Variants in ACAP3 observed in about 807,000 individuals in gnomAD.
ACAP3 encodes the protein arf-GAP with coiled-coil, ANK repeat and PH domain-containing protein 3.
A neutral mutation model predicts 104.1 loss-of-function variants in ACAP3; 56 were observed. The observed-to-expected ratio is 0.54, with a 90% CI of 0.43 to 0.67. ACAP3 has a LOEUF of 0.67. ACAP3 is among the 30% of genes least tolerant of loss of function. The pLI, the probability that ACAP3 is intolerant of heterozygous loss-of-function variation, is 0.00. For synonymous variants in ACAP3, 628 were observed against 496.2 expected (o/e 1.27, Z -3.53); for missense variants, 1,208 against 1,174.9 (o/e 1.03, Z -0.41).
chr1:1,296,578 G>T lies in ACAP3; in HGVS notation c.1184C>A (p.Thr395Asn). Residue 395 changes from threonine (T) to asparagine (N), a missense_variant, in exon 15 of 24, where the codon ACT (threonine) becomes AAT (asparagine). Transcript: ENST00000354700. ...CTCGCCCTTCACGCCACGCTCCCGA[G>T]TGTCGGTGGCGGAGTCGATGCTGCT... ...STSSIDSATD[T>N]RERGVKGESV... 2 of 1,539,808 alleles carry T rather than the reference G, an allele frequency of 1.3e-6. No homozygotes were observed. Among genetic ancestry groups the T allele is most frequent in the Non-Finnish European group, 1.7e-6 (2 of 1,146,674 alleles).
chr1:1,298,988 G>A (rs980407839), intron 10 of ACAP3: 14 of 554,152 alleles, frequency 2.5e-5, no homozygotes, highest in African/African-American at 1.7e-4. Context: ...CCCACCCTCC[G>A]CATCCTGAGT....
chr1:1,303,994 G>GT lies in ACAP3; in HGVS notation c.105+91dup, dbSNP rs1641570325. 1 of 1,459,174 alleles carries GT rather than the reference G, an allele frequency of 6.9e-7. No individual in the cohort carries two copies. The highest frequency in any genetic ancestry group is 9.3e-7 in the Non-Finnish European group (1 of 1,070,510). The allele number at this position is 1,459,174 out of a possible 1,614,324, so 90.4% of individuals were successfully genotyped here. A position where few individuals can be genotyped will look rare whatever the true frequency, so the allele number is the denominator to read the frequency against. On this transcript the variant is annotated intron_variant, in intron 2 of 23. Coordinates refer to ENST00000354700, the MANE Select transcript of ACAP3 (RefSeq NM_030649.3). The surrounding 1 kb of genome is among the most constrained non-coding windows in gnomAD (Gnocchi z 4.0). ...CACGCATGCTCCACATATGGGGGGT[G>GT]TAAGTGGCTTAGTAAGGCCTGGAGG...
At chr1:1,301,917 C>T (rs1641462305) in intron 5 of ACAP3, 71 bp downstream of exon 5, 1 of 1,431,540 alleles carries the variant, frequency 7.0e-7, no homozygotes, top group African/African-American at 1.5e-5. Flanking sequence ...TGCTCTGCCC[C>T]AGACCCCCTT....
chr1:1,303,760 C>G lies in ACAP3; in HGVS notation c.105+326G>C. 3 of 486,146 alleles carry G rather than the reference C, an allele frequency of 6.2e-6. No individual in the cohort carries two copies. Among genetic ancestry groups the G allele is most frequent in the Non-Finnish European group, 1.1e-5 (3 of 269,318 alleles). The allele number at this position is 486,146 out of a possible 1,614,324, so 30.1% of individuals were successfully genotyped here. A position where few individuals can be genotyped will look rare whatever the true frequency, so the allele number is the denominator to read the frequency against. On this transcript the variant is annotated intron_variant, in intron 2 of 23. Transcript: ENST00000354700. This position sits in a 1 kb window ranked among gnomAD's most constrained non-coding sequence, Gnocchi z 4.0. ...CCCCTCCCCTTTCTCAGCCCCAGCC[C>G]CAGCCACACCAAGGCTCAGCCCACA... is the stretch of plus-strand genomic sequence containing the variant.
chr1:1,306,899 G>A (rs919759544), intron 1 of ACAP3, among the ~76,000 whole-genome samples: 7 of 152,176 alleles, frequency 4.6e-5, no homozygotes, highest in African/African-American at 1.4e-4. Flanking sequence ...ACACGCTTGC[G>A]TGCACTCATC....
rs770556606 is a variant in ACAP3 at position 1,299,849 on chromosome 1, G to A, written c.720C>T (p.His240=). 67 of 1,555,546 alleles carry A rather than the reference G, an allele frequency of 4.3e-5. 1 individual carries two copies. The South Asian group carries it at 5.5e-4, about 13-fold the overall frequency. ...AVEKREMERK[H]AAIQQRTLLQ... Reference sequence around the variant, plus strand: ...GCCTCACCCGCTGCTGGATGGCGGCGTGCTTTCGCTCCATCTCACGCTTTT... The same window carrying A: ...GCCTCACCCGCTGCTGGATGGCGGCATGCTTTCGCTCCATCTCACGCTTTT... The change falls in exon 9 of 24, where the codon CAC becomes CAT. Residue 240 remains histidine (H), a synonymous_variant. Coordinates refer to ENST00000354700, the MANE Select transcript of ACAP3 (RefSeq NM_030649.3).
chr1:1,307,742 C>T (rs1276549918), intron 1 of ACAP3, 27 bp downstream of exon 1: 2 of 1,094,146 alleles, frequency 1.8e-6, no homozygotes, highest in Non-Finnish European at 2.2e-6. Context: ...CGGCCTGCGC[C>T]CACCCCGGCG....
At chr1:1,298,788 C>T (rs1166969401) in intron 10 of ACAP3, 109 bp from the exon 11 acceptor site, 45 of 798,336 alleles carry the variant, frequency 5.6e-5, no homozygotes, top group East Asian at 1.1e-4. Context: ...GGCTGCCACA[C>T]GGCCCACGGA....
Position 1,293,575 on chromosome 1 carries a change from C to G in ACAP3, c.2494G>C (p.Glu832Gln), listed in dbSNP as rs751065016. 5.4e-6 allele frequency: 8 copies of G among 1,473,138 alleles called. No individual in the cohort carries two copies. The highest frequency in any genetic ancestry group is 7.2e-6 in the Non-Finnish European group (8 of 1,114,630). The allele number at this position is 1,473,138 out of a possible 1,614,324, so 91.3% of individuals were successfully genotyped here. ...CIQEFISLHL[E>Q]ES Reference sequence around the variant, plus strand: ...CGGCCTGCCCGGCCCTAGCTCTCTTCCAGGTGGAGGCTGATGAACTCCTGG... The same window carrying G: ...CGGCCTGCCCGGCCCTAGCTCTCTTGCAGGTGGAGGCTGATGAACTCCTGG... Residue 832 changes from glutamate (E) to glutamine (Q), a missense_variant, in exon 24 of 24, where the codon GAA (glutamate) becomes CAA (glutamine). Transcript: ENST00000354700.
rs954609359 is a variant in ACAP3, at chr1:1,293,790, C to G, written c.2360+33G>C. 8 of 1,550,444 alleles carry G rather than the reference C, an allele frequency of 5.2e-6. No individual in the cohort carries two copies. In the Admixed American group the frequency reaches 1.4e-4, roughly 28 times the overall value. On this transcript the variant is annotated intron_variant, in intron 23 of 23. Coordinates refer to ENST00000354700, the MANE Select transcript of ACAP3 (RefSeq NM_030649.3). ...GAGGCCCCGCCCCTGCCCTGGAGGC[C>G]CCGCCCAGCCCCGAGGGCCCGGCCG...
chr1:1,292,621 G>C lies in ACAP3; in HGVS notation c.*943C>G, dbSNP rs867505320. 1 of 152,344 alleles carries C rather than the reference G, an allele frequency of 6.6e-6. No individual in the cohort carries two copies. The allele number at this position is 152,344 out of a possible 1,614,324, so 9.4% of individuals were successfully genotyped here. A position where few individuals can be genotyped will look rare whatever the true frequency, so the allele number is the denominator to read the frequency against. ...CATAGTGACCAGCCGACTGGCCTTA[G>C]CCTGACCTGCGCTGAGTGGGGGAGG... is the stretch of plus-strand genomic sequence containing the variant. On this transcript the variant is annotated 3_prime_UTR_variant, in exon 24 of 24. Transcript: ENST00000354700.
At chr1:1,301,094 GTC>G (rs1641422091) in intron 5 of ACAP3, among the ~76,000 whole-genome samples, 1 of 152,054 alleles carries the variant, frequency 6.6e-6, no homozygotes, top group African/African-American at 2.4e-5. Flanking sequence ...GACAGGGTCT[GTC>G]TCTGTTGCCC....
In ACAP3 at chr1:1,293,515, T is replaced by TGCGGGGCGTCGG. The variant is rs2100377590; in HGVS notation, c.*37_*48dup. 5 of 1,389,204 alleles carry TGCGGGGCGTCGG rather than the reference T, an allele frequency of 3.6e-6. No homozygotes were observed. Among genetic ancestry groups the TGCGGGGCGTCGG allele is most frequent in the Non-Finnish European group, 3.7e-6 (4 of 1,080,848 alleles). The allele number at this position is 1,389,204 out of a possible 1,614,324, so 86.1% of individuals were successfully genotyped here. ...GGTGGGCGCCAGGGACTTCGGGGCA[T>TGCGGGGCGTCGG]GCGGGGCGTCGGGCCGGGCGGGGTG... On this transcript the variant is annotated 3_prime_UTR_variant, in exon 24 of 24. Transcript: ENST00000354700.
At chr1:1,299,611 A>C in intron 9 of ACAP3, 1 of 707,546 alleles carries the variant, frequency 1.4e-6, no homozygotes. Context: ...CACAGAGGTG[A>C]CCACCGCCTC....
chr1:1,304,273 C>T (rs938026345), intron 1 of ACAP3, 130 bp from the exon 2 acceptor site: 16 of 1,112,466 alleles, frequency 1.4e-5, no homozygotes, highest in East Asian at 2.6e-5. Flanking sequence ...GGGAGACAGA[C>T]GCCTGCCTGC....
rs758628695 is a variant in ACAP3, at chr1:1,299,394, C to T, written c.739-38G>A. Reference sequence around the variant, plus strand: ...AGCAGGAGGGGGTAGGGGGAGAAAGCCAGTGAGTGACGGCTGCCAACTCCT... The same window carrying T: ...AGCAGGAGGGGGTAGGGGGAGAAAGTCAGTGAGTGACGGCTGCCAACTCCT... On this transcript the variant is annotated intron_variant, in intron 9 of 23. Transcript: ENST00000354700. 7.9e-6 allele frequency: 12 copies of T among 1,512,332 alleles called. No homozygotes were observed. The South Asian group carries it at 1.5e-4, about 19-fold the overall frequency. The allele number at this position is 1,512,332 out of a possible 1,614,324, so 93.7% of individuals were successfully genotyped here.
chr1:1,302,844 C>T (rs1319530135), intron 4 of ACAP3, 78 bp downstream of exon 4: 11 of 1,098,790 alleles, frequency 1.0e-5, no homozygotes, highest in African/African-American at 8.2e-5. Context: ...CCCAACCCGA[C>T]GCCGGCCTTC....
At chr1:1,305,231 C>T (rs916230618) in intron 1 of ACAP3, 1 of 152,330 alleles carries the variant, frequency 6.6e-6, no homozygotes, top group African/African-American at 2.4e-5. Context: ...GAGCAGCCCT[C>T]TCTTGTTCCC....
rs866709468 is a variant in ACAP3 at position 1,294,590 on chromosome 1, C to G, written c.1951G>C (p.Gly651Arg). 12 of 1,517,504 alleles carry G rather than the reference C, an allele frequency of 7.9e-6. No homozygotes were observed. Among genetic ancestry groups the G allele is most frequent in the Non-Finnish European group, 1.1e-5 (12 of 1,138,832 alleles). The allele number at this position is 1,517,504 out of a possible 1,614,324, so 94.0% of individuals were successfully genotyped here. A position where few individuals can be genotyped will look rare whatever the true frequency, so the allele number is the denominator to read the frequency against. Reference protein sequence around the residue: ...ESEESSGEADGDTEAEAWGLA... With the variant: ...ESEESSGEADRDTEAEAWGLA... Reference sequence around the variant, plus strand: ...CCCCAGGCCTCGGCCTCAGTGTCCCCGTCTGCCTCACCGCTGGACTCCTCC... The same window carrying G: ...CCCCAGGCCTCGGCCTCAGTGTCCCGGTCTGCCTCACCGCTGGACTCCTCC... Residue 651 changes from glycine (G) to arginine (R), a missense_variant, in exon 21 of 24, where the codon GGG becomes CGG. Coordinates refer to ENST00000354700, the MANE Select transcript of ACAP3 (RefSeq NM_030649.3).
Sources: allele counts gnomAD v4.1 joint callset (sites outside exome capture counted in the v4.1 genomes callset), GRCh38; gene constraint gnomAD v4.1.1; non-coding constraint Gnocchi (gnomAD v3.1); transcripts MANE v1.5; gene names NCBI Gene and HGNC (gene_info 2026-07-23, HGNC 2026-07-21).